Variants in RNF115 observed in about 807,000 individuals in gnomAD.
RNF115 encodes ring finger protein 115.
RNF115 carries 31 observed loss-of-function variants against 39.2 expected under a neutral mutation model. The ratio of observed to expected loss-of-function variants is 0.79; its 90% CI spans 0.59 to 1.07. The LOEUF is 1.07. RNF115 is among the 50% of genes least tolerant of loss of function. The probability of loss-of-function intolerance (pLI) is 0.00; values close to 1 mark genes in which losing one functional copy is unlikely to be tolerated. For missense variants in RNF115, 384 were observed against 381.7 expected, an observed-to-expected ratio of 1.01 and a Z score of -0.05; for synonymous variants, 124 against 131.0, an observed-to-expected ratio of 0.95 and a Z score of 0.37.
chr1:145,767,158 G>C (rs1234018505), intron 4 of RNF115, among the ~76,000 whole-genome samples: 8 of 146,108 alleles, frequency 5.5e-5, no homozygotes, highest in Non-Finnish European at 1.1e-4. Context: ...CGGGCGGAGG[G>C]GCTCCTCACC....
intron 1 of RNF115, among the ~76,000 whole-genome samples, chr1:145,820,033 A>T (rs2488363): frequency 1.6e-5 from 2 of 123,714 alleles, no homozygotes; most frequent in Admixed American, 8.5e-5. Context: ...GCAAGACTCC[A>T]TCTCAAAAAA....
At chr1:145,787,369 C>CA (rs1271354179) in intron 2 of RNF115, among the ~76,000 whole-genome samples, 69 of 151,976 alleles carry the variant, frequency 4.5e-4, no homozygotes, top group Admixed American at 4.1e-3. Context: ...GTCAGGACTT[C>CA]AAGACCAGCC....
At chr1:145,783,989 G>A (rs587678991) in intron 3 of RNF115, among the ~76,000 whole-genome samples, 97 of 152,112 alleles carry the variant, frequency 6.4e-4, no homozygotes, top group African/African-American at 2.2e-3. Context: ...AAATATGGAC[G>A]CCACATTATA....
chr1:145,789,060 G>T, intron 1 of RNF115, 94 bp from the exon 2 acceptor site: 1 of 772,530 alleles, frequency 1.3e-6, no homozygotes. Flanking sequence ...ACAAGCTGAG[G>T]CTCTGAAATG....
At chr1:145,780,680 C>T (rs782006303) in intron 3 of RNF115, among the ~76,000 whole-genome samples, 4 of 150,776 alleles carry the variant, frequency 2.7e-5, no homozygotes, top group Non-Finnish European at 5.9e-5. Context: ...TTTTTTACTG[C>T]CACTATAATG....
At chr1:145,794,604 C>T in intron 1 of RNF115, among the ~76,000 whole-genome samples, 1 of 149,378 alleles carries the variant, frequency 6.7e-6, no homozygotes. Flanking sequence ...GAAGTCCCCA[C>T]TTCACATGGT....
intron 1 of RNF115, among the ~76,000 whole-genome samples, chr1:145,794,561 G>A (rs1031029920): frequency 7.1e-6 from 1 of 141,570 alleles, no homozygotes; most frequent in Non-Finnish European, 1.5e-5. Flanking sequence ...ACAGGCTGGA[G>A]TGCAGTGGTG....
intron 3 of RNF115, among the ~76,000 whole-genome samples, chr1:145,783,193 C>G (rs1465218447): frequency 1.3e-5 from 2 of 152,134 alleles, no homozygotes; most frequent in African/African-American, 4.8e-5. Context: ...GTTTTTCAAT[C>G]CATTAAAATG....
At chr1:145,812,162 C>G (rs1649755526) in intron 1 of RNF115, among the ~76,000 whole-genome samples, 1 of 147,784 alleles carries the variant, frequency 6.8e-6, no homozygotes, top group African/African-American at 2.4e-5. Flanking sequence ...AATGTAAATT[C>G]TAAGCATGGT....
intron 6 of RNF115, 70 bp downstream of exon 6, chr1:145,751,368 G>A (rs1436061340): frequency 2.7e-6 from 3 of 1,096,304 alleles, no homozygotes; most frequent in Non-Finnish European, 4.0e-6. Context: ...GAAAGTAGCA[G>A]AAGGAAAGCA....
chr1:145,751,341 G>A, intron 6 of RNF115, 97 bp downstream of exon 6: 1 of 813,762 alleles, frequency 1.2e-6, no homozygotes, highest in East Asian at 2.7e-5. Context: ...AGAGAAAGCA[G>A]AGTGACTGCC....
chr1:145,803,543 T>C (rs782276900), intron 1 of RNF115, among the ~76,000 whole-genome samples: 3 of 152,112 alleles, frequency 2.0e-5, no homozygotes, highest in Admixed American at 6.6e-5. Flanking sequence ...TGCCCGCCAT[T>C]ATGCCCAGCT....
chr1:145,756,391 C>T (rs748951056), intron 4 of RNF115, among the ~76,000 whole-genome samples: 3 of 151,770 alleles, frequency 2.0e-5, no homozygotes, highest in Admixed American at 6.6e-5. Flanking sequence ...ACCCAGGACA[C>T]GGACGTTGCA....
chr1:145,763,269 GAAGTA>G (rs1178566024), intron 4 of RNF115, among the ~76,000 whole-genome samples: 1 of 152,164 alleles, frequency 6.6e-6, no homozygotes, highest in Non-Finnish European at 1.5e-5. Context: ...CACCTTCTTA[GAAGTA>G]ATGTACCCTA....
At chr1:145,775,026 C>T (rs1361376494) in intron 3 of RNF115, among the ~76,000 whole-genome samples, 6 of 152,094 alleles carry the variant, frequency 3.9e-5, no homozygotes, top group African/African-American at 1.4e-4. Flanking sequence ...GCAGGAGGAT[C>T]GCTTGAGCCC....
chr1:145,739,276 A>G lies in RNF115; in HGVS notation c.*7590T>C, dbSNP rs1553710683. The G allele has an allele frequency of 6.6e-6, 1 of 152,264 alleles. No homozygotes were observed. Among genetic ancestry groups the G allele is most frequent in the African/African-American group, 2.4e-5 (1 of 41,464 alleles). The allele number at this position is 152,264 out of a possible 1,614,324, so 9.4% of individuals were successfully genotyped here. A position where few individuals can be genotyped will look rare whatever the true frequency, so the allele number is the denominator to read the frequency against. On this transcript the variant is annotated 3_prime_UTR_variant, in exon 9 of 9. Coordinates refer to ENST00000582693, the MANE Select transcript of RNF115 (RefSeq NM_014455.4). ...ATTCCTGATAGGAGGAACTACATGAATAAAGGGGTAAGAGCACAGAAATTT... is the reference window on the plus strand; with the variant it reads ...ATTCCTGATAGGAGGAACTACATGAGTAAAGGGGTAAGAGCACAGAAATTT...
At chr1:145,772,361 A>C (rs1647681028) in intron 3 of RNF115, 1 of 164,434 alleles carries the variant, frequency 6.1e-6, no homozygotes, top group Non-Finnish European at 1.3e-5. Context: ...AATTTAATAG[A>C]TCTGTGGTGA....
At chr1:145,777,727 A>T (rs1647948974) in intron 3 of RNF115, among the ~76,000 whole-genome samples, 1 of 152,218 alleles carries the variant, frequency 6.6e-6, no homozygotes, top group Non-Finnish European at 1.5e-5. Context: ...AAAGAATCAC[A>T]GAGACAGTTT....
At chr1:145,779,350 A>G (rs587694211) in intron 3 of RNF115, among the ~76,000 whole-genome samples, 1 of 151,820 alleles carries the variant, frequency 6.6e-6, no homozygotes, top group African/African-American at 2.4e-5. Flanking sequence ...TTTTATTTTT[A>G]TTTTTGTAGA....
Sources: gnomAD v4.1 joint callset for allele counts (sites outside exome capture counted in the v4.1 genomes callset) on GRCh38, gnomAD v4.1.1 for gene constraint, MANE v1.5 for transcripts, NCBI Gene and HGNC (gene_info 2026-07-23, HGNC 2026-07-21) for gene names.